SGCZ: variants seen among roughly 807,000 people sequenced by gnomAD.
SGCZ encodes zeta-sarcoglycan.
Under a neutral mutation model 41.3 loss-of-function variants are expected in SGCZ, and 40 were observed. The ratio of observed to expected loss-of-function variants is 0.97; its 90% CI spans 0.75 to 1.26. The LOEUF is 1.26. SGCZ is among the 50% of genes most tolerant of loss of function. The pLI, the probability that SGCZ is intolerant of heterozygous loss-of-function variation, is 0.00. For synonymous variants in SGCZ, 206 were observed against 137.5 expected, an observed-to-expected ratio of 1.50 and a Z score of -3.49; for missense variants, 552 against 369.8, an observed-to-expected ratio of 1.49 and a Z score of -4.04.
chr8:14,237,412 G>T (rs1229612017), intron 4 of SGCZ, among the ~76,000 whole-genome samples, 180 bp downstream of exon 4: 1 of 151,862 alleles, frequency 6.6e-6, no homozygotes, highest in Admixed American at 6.6e-5. Context: ...CCGATTGCTT[G>T]ACCTCGTGAT....
intron 1 of SGCZ, among the ~76,000 whole-genome samples, chr8:14,944,968 A>G (rs928706749): frequency 2.6e-5 from 4 of 152,220 alleles, no homozygotes; most frequent in African/African-American, 7.2e-5. Context: ...GGCAACCTGC[A>G]GTATGTGCCA....
chr8:14,243,234 T>C (rs1015544649), intron 3 of SGCZ, among the ~76,000 whole-genome samples: 18 of 152,204 alleles, frequency 1.2e-4, no homozygotes, highest in African/African-American at 4.1e-4. Context: ...GAAGTTTGTA[T>C]AGTTTACAAG....
intron 1 of SGCZ, among the ~76,000 whole-genome samples, chr8:14,867,298 C>T (rs965659706): frequency 2.0e-5 from 3 of 152,106 alleles, no homozygotes; most frequent in Non-Finnish European, 4.4e-5. Flanking sequence ...TTTTTAAGAG[C>T]TGCATAGTAT....
At chr8:14,220,219 T>C (rs1051207291) in intron 4 of SGCZ, among the ~76,000 whole-genome samples, 14 of 152,232 alleles carry the variant, frequency 9.2e-5, no homozygotes, top group Non-Finnish European at 1.6e-4. Context: ...AAAACTTCAA[T>C]AGGAGTAGAA....
At chr8:14,196,411 A>G (rs940393041) in intron 4 of SGCZ, among the ~76,000 whole-genome samples, 1 of 152,128 alleles carries the variant, frequency 6.6e-6, no homozygotes, top group Non-Finnish European at 1.5e-5. Flanking sequence ...AGAGACAATA[A>G]CAAGTGGTGG....
At chr8:14,656,501 T>C (rs907163746) in intron 1 of SGCZ, among the ~76,000 whole-genome samples, 44 of 148,750 alleles carry the variant, frequency 3.0e-4, no homozygotes, top group East Asian at 2.0e-4. Flanking sequence ...TTTCCTCCTC[T>C]CCTCTCCTTC....
chr8:14,631,682 G>A (rs1687161823), intron 1 of SGCZ, among the ~76,000 whole-genome samples: 1 of 152,036 alleles, frequency 6.6e-6, no homozygotes. Flanking sequence ...ACGTAACACT[G>A]ACATTGACTC....
At chr8:14,407,065 C>CTTTTTTTT (rs67046431) in intron 2 of SGCZ, among the ~76,000 whole-genome samples, 1 of 87,188 alleles carries the variant, frequency 1.1e-5, no homozygotes, top group African/African-American at 4.1e-5. Context: ...ATGAGTTTTC[C>CTTTTTTTT]TTTTTTTTTT....
At chr8:14,764,556 C>T (rs896851067) in intron 1 of SGCZ, among the ~76,000 whole-genome samples, 5 of 152,110 alleles carry the variant, frequency 3.3e-5, no homozygotes, top group African/African-American at 9.7e-5. Flanking sequence ...GAAACCATAA[C>T]CTATATACAA....
At chr8:14,325,269 T>C (rs1439729785) in intron 2 of SGCZ, among the ~76,000 whole-genome samples, 1 of 152,048 alleles carries the variant, frequency 6.6e-6, no homozygotes, top group East Asian at 1.9e-4. Flanking sequence ...AAGAAAAATT[T>C]ACAGACTTGT....
intron 3 of SGCZ, among the ~76,000 whole-genome samples, chr8:14,314,315 A>G (rs1474094098): frequency 6.6e-6 from 1 of 152,102 alleles, no homozygotes; most frequent in African/African-American, 2.4e-5. Context: ...AACGTAGTCC[A>G]AAGAGCTGAA....
At position 15,059,675 on chromosome 8, in the gene SGCZ, G is replaced by C. The variant is rs183686863; in HGVS notation, c.39+177910C>G. On this transcript the variant is annotated intron_variant, in intron 1 of 7. Transcript: ENST00000382080. Reference sequence around the variant, plus strand: ...TTAATGATACTTAACTTATATATTTGTGTCTTTGCTTATATTGAATTTCTG... The same window carrying C: ...TTAATGATACTTAACTTATATATTTCTGTCTTTGCTTATATTGAATTTCTG... Among the ~76,000 whole-genome samples the C allele has an allele frequency of 1.1e-4, 16 of 152,274 alleles. No individual in the cohort carries two copies. The East Asian group carries it at 2.9e-3, about 28-fold the overall frequency.
intron 5 of SGCZ, among the ~76,000 whole-genome samples, chr8:14,127,139 G>T (rs2117048484): frequency 6.6e-6 from 1 of 152,220 alleles, no homozygotes; most frequent in East Asian, 1.9e-4. Flanking sequence ...TTCTGCACAT[G>T]TATCCTGGGA....
At chr8:14,527,076 C>G (rs1435174970) in intron 2 of SGCZ, among the ~76,000 whole-genome samples, 1 of 152,190 alleles carries the variant, frequency 6.6e-6, no homozygotes, top group South Asian at 2.1e-4. Flanking sequence ...CCCTCACTAG[C>G]ATGTGTATGA....
chr8:14,691,946 G>C (rs1295157651), intron 1 of SGCZ, among the ~76,000 whole-genome samples: 1 of 151,774 alleles, frequency 6.6e-6, no homozygotes, highest in Non-Finnish European at 1.5e-5. Flanking sequence ...GAATATTTTA[G>C]TTTAGTAAAT....
intron 1 of SGCZ, among the ~76,000 whole-genome samples, chr8:15,191,812 C>T (rs1432862486): frequency 2.0e-5 from 3 of 151,978 alleles, no homozygotes; most frequent in Non-Finnish European, 4.4e-5. Context: ...CTCAGTCCTA[C>T]CTATTTAATT....
At chr8:14,915,089 T>C (rs1177006735) in intron 1 of SGCZ, among the ~76,000 whole-genome samples, 1 of 152,142 alleles carries the variant, frequency 6.6e-6, no homozygotes, top group Non-Finnish European at 1.5e-5. Flanking sequence ...TCATACTGCT[T>C]TTTCTACCCT....
At chr8:15,091,125 C>A (rs997139536) in intron 1 of SGCZ, among the ~76,000 whole-genome samples, 1 of 152,140 alleles carries the variant, frequency 6.6e-6, no homozygotes, top group African/African-American at 2.4e-5. Context: ...CTTAAATAGA[C>A]TTTTCTTTAT....
intron 2 of SGCZ, among the ~76,000 whole-genome samples, chr8:14,340,733 T>G (rs1239486900): frequency 6.6e-6 from 1 of 152,182 alleles, no homozygotes; most frequent in Non-Finnish European, 1.5e-5. Flanking sequence ...AATAATAAAG[T>G]GCAAAACCAA....
Sources: gnomAD v4.1 joint callset for allele counts (sites outside exome capture counted in the v4.1 genomes callset) on GRCh38, gnomAD v4.1.1 for gene constraint, MANE v1.5 for transcripts, NCBI Gene and HGNC (gene_info 2026-07-23, HGNC 2026-07-21) for gene names.